The following LGSN variants were observed in gnomAD, a reference collection of about 807,000 sequenced individuals.
LGSN encodes the protein lengsin.
In LGSN, 21 loss-of-function variants were observed where a neutral mutation model predicts 19.5. The observed-to-expected ratio is 1.07, with a 90% CI of 0.76 to 1.55. LGSN has a LOEUF of 1.55. Among genes scored for constraint, LGSN ranks in the 40% most tolerant of loss-of-function variants. LGSN has a pLI of 0.00. For missense variants in LGSN, 673 were observed against 608.5 expected (o/e 1.11, Z -1.12); for synonymous variants, 257 against 215.6 (o/e 1.19, Z -1.68).
chr6:63,561,229 TTGTA>T, the LGSN span, among the ~76,000 whole-genome samples: 1 of 152,182 alleles, frequency 6.6e-6, no homozygotes, highest in African/African-American at 2.4e-5. Flanking sequence ...CACATAATAC[TTGTA>T]TGACCCTAAG....
At chr6:63,552,070 G>A in the LGSN span, among the ~76,000 whole-genome samples, 3 of 152,270 alleles carry the variant, frequency 2.0e-5, no homozygotes, top group South Asian at 2.1e-4. Flanking sequence ...TAATGGGATG[G>A]CTGGGTCAAA....
the LGSN span, among the ~76,000 whole-genome samples, chr6:63,400,921 G>A: frequency 6.6e-6 from 1 of 152,064 alleles, no homozygotes; most frequent in African/African-American, 2.4e-5. Flanking sequence ...TTGAACCCAG[G>A]AGGTGGAGGT....
chr6:63,441,512 T>G, the LGSN span: 2 of 421,840 alleles, frequency 4.7e-6, no homozygotes, highest in South Asian at 4.1e-5. Flanking sequence ...TCACAACACA[T>G]GAAGGCTGTA....
At chr6:63,522,724 C>T in the LGSN span, among the ~76,000 whole-genome samples, 3,589 of 152,230 alleles carry the variant, frequency 0.024, 79 homozygotes, top group Non-Finnish European at 0.039. Flanking sequence ...ACAGCTGATA[C>T]TCTTTCAACA....
chr6:63,371,231 T>C, the LGSN span, among the ~76,000 whole-genome samples: 1 of 152,262 alleles, frequency 6.6e-6, no homozygotes, highest in East Asian at 1.9e-4. Flanking sequence ...CTGGGTGCTC[T>C]TCTAATGCTT....
At chr6:63,341,139 A>G in the LGSN span, among the ~76,000 whole-genome samples, 1 of 152,248 alleles carries the variant, frequency 6.6e-6, no homozygotes, top group East Asian at 1.9e-4. Flanking sequence ...AAACTGGAAC[A>G]CCAGGCAGTC....
chr6:63,568,886 C>T, the LGSN span, among the ~76,000 whole-genome samples: 1 of 152,112 alleles, frequency 6.6e-6, no homozygotes, highest in Admixed American at 6.6e-5. Context: ...GCACTAGTAT[C>T]CAGACACTTA....
the LGSN span, among the ~76,000 whole-genome samples, chr6:63,350,480 T>C: frequency 3.0e-3 from 450 of 152,336 alleles, 3 homozygotes; most frequent in African/African-American, 0.01. Flanking sequence ...AGATTTAAAA[T>C]TTTTTACTTT....
rs969799143 is a variant in LGSN at position 63,300,772 on chromosome 6, T to C, written c.31-5727A>G. 3.9e-5 allele frequency among the ~76,000 whole-genome samples: 6 copies of C among 152,198 alleles called. No homozygotes were observed. The East Asian group carries it at 9.6e-4, about 24-fold the overall frequency. ...TTGAAGTATTAATTATTAACATAAA[T>C]TTATGCCTTAGCATCTTATTTGTAT... On this transcript the variant is annotated intron_variant, in intron 1 of 3. Transcript: ENST00000370657.
At chr6:63,359,079 T>C in the LGSN span, among the ~76,000 whole-genome samples, 257 of 152,368 alleles carry the variant, frequency 1.7e-3, no homozygotes, top group African/African-American at 6.1e-3. Context: ...TTTCTGCATC[T>C]ATTGAGATAA....
chr6:63,568,723 T>C, the LGSN span, among the ~76,000 whole-genome samples: 2 of 152,116 alleles, frequency 1.3e-5, no homozygotes, highest in Non-Finnish European at 1.5e-5. Context: ...TACATATTTA[T>C]TTTTAATAAT....
chr6:63,493,583 T>C, the LGSN span, among the ~76,000 whole-genome samples: 3 of 152,214 alleles, frequency 2.0e-5, no homozygotes, highest in African/African-American at 7.2e-5. Flanking sequence ...GTCCATCAGA[T>C]CTTGGGTCTC....
chr6:63,411,499 G>A, the LGSN span, among the ~76,000 whole-genome samples: 1 of 152,122 alleles, frequency 6.6e-6, no homozygotes, highest in South Asian at 2.1e-4. Flanking sequence ...CACTATTAAT[G>A]GTAATAATAA....
the LGSN span, among the ~76,000 whole-genome samples, chr6:63,381,122 A>G: frequency 1.3e-5 from 2 of 152,222 alleles, no homozygotes; most frequent in Non-Finnish European, 1.5e-5. Context: ...GAATCACCTA[A>G]GCCCAGGAGG....
chr6:63,359,145 G>C, the LGSN span, among the ~76,000 whole-genome samples: 16 of 152,238 alleles, frequency 1.1e-4, no homozygotes, highest in East Asian at 2.9e-3. Flanking sequence ...TTATTGATTT[G>C]CATATGTTGA....
At chr6:63,367,249 A>T in the LGSN span, among the ~76,000 whole-genome samples, 1 of 152,184 alleles carries the variant, frequency 6.6e-6, no homozygotes, top group Non-Finnish European at 1.5e-5. Flanking sequence ...TACAAGAAAA[A>T]ATCAAACAAC....
chr6:63,432,960 G>A, the LGSN span, among the ~76,000 whole-genome samples: 1 of 152,046 alleles, frequency 6.6e-6, no homozygotes, highest in East Asian at 1.9e-4. Context: ...AAAAATCTAT[G>A]CTCTTTACCC....
chr6:63,413,749 A>G, the LGSN span, among the ~76,000 whole-genome samples: 1 of 152,206 alleles, frequency 6.6e-6, no homozygotes, highest in Non-Finnish European at 1.5e-5. Context: ...CCATAAAATT[A>G]TTTCTACATT....
chr6:63,480,940 G>GAGATATATATATATATATAT, the LGSN span, among the ~76,000 whole-genome samples: 5 of 59,898 alleles, frequency 8.3e-5, 1 homozygote, highest in Non-Finnish European at 1.2e-4. Flanking sequence ...TAAAGAAAAT[G>GAGATATATATATATATATAT]ATATATATAT....
Sources: gnomAD v4.1 joint callset for allele counts (sites outside exome capture counted in the v4.1 genomes callset) on GRCh38, gnomAD v4.1.1 for gene constraint, MANE v1.5 for transcripts, NCBI Gene and HGNC (gene_info 2026-07-23, HGNC 2026-07-21) for gene names.